SPPL3: variants seen among roughly 807,000 people sequenced by gnomAD.
SPPL3 encodes the protein signal peptide peptidase-like 3.
In SPPL3, 5 loss-of-function variants were observed where a neutral mutation model predicts 42.4. That is an observed-to-expected ratio of 0.12 (90% CI 0.06 to 0.25). SPPL3 has a LOEUF of 0.25. Ranked by LOEUF, SPPL3 falls within the 10% of genes least tolerant of loss-of-function variation. The probability of loss-of-function intolerance (pLI) is 1.00; values close to 1 mark genes in which losing one functional copy is unlikely to be tolerated. For synonymous variants in SPPL3, 195 were observed against 181.8 expected (o/e 1.07, Z -0.58); for missense variants, 235 against 489.0 (o/e 0.48, Z 4.90).
At chr12:120,844,352 A>C (rs1431122283) in intron 1 of SPPL3, among the ~76,000 whole-genome samples, 1 of 152,096 alleles carries the variant, frequency 6.6e-6, no homozygotes, top group Non-Finnish European at 1.5e-5. Context: ...ATAGTCTCCT[A>C]ACTAGTCTTA....
chr12:120,846,788 A>C (rs1455743779), intron 1 of SPPL3, among the ~76,000 whole-genome samples: 1 of 152,244 alleles, frequency 6.6e-6, no homozygotes, highest in Non-Finnish European at 1.5e-5. Flanking sequence ...GCCATTTATA[A>C]AGTTCTAAAC....
intron 1 of SPPL3, among the ~76,000 whole-genome samples, chr12:120,821,618 T>G (rs1871073857): frequency 6.6e-6 from 1 of 152,204 alleles, no homozygotes; most frequent in Non-Finnish European, 1.5e-5. Flanking sequence ...ATAAATCTCC[T>G]TAAAAACTTG....
chr12:120,868,631 G>A (rs1159185877), intron 1 of SPPL3, among the ~76,000 whole-genome samples: 5 of 152,070 alleles, frequency 3.3e-5, no homozygotes, highest in African/African-American at 1.2e-4. Context: ...ACAGGCGCAT[G>A]CCACCATGCC....
In SPPL3 at chr12:120,802,375, ATATGTATATATATACACATATATGTG is replaced by A. The variant is rs1443701579; in HGVS notation, c.101+8408_101+8433del. ...TGTATGTGTGTATATATATACATATATATGTATATATATACACATATATGTGTGTGTGTGTGTGTGTATATATATAT... is the reference window on the plus strand; with the variant it reads ...TGTATGTGTGTATATATATACATATATGTGTGTGTGTGTGTATATATATAT... On this transcript the variant is annotated intron_variant, in intron 2 of 10. Transcript: ENST00000353487. 3.4e-3 allele frequency among the ~76,000 whole-genome samples: 490 copies of A among 144,014 alleles called. 3 individuals are homozygous for A. The highest frequency in any genetic ancestry group is 0.012 in the African/African-American group (445 of 37,612). The allele number at this position is 144,014 out of a possible 152,430, so 94.5% of individuals were successfully genotyped here.
At chr12:120,878,931 T>C (rs1014275620) in intron 1 of SPPL3, among the ~76,000 whole-genome samples, 3 of 151,554 alleles carry the variant, frequency 2.0e-5, no homozygotes, top group African/African-American at 4.8e-5. Flanking sequence ...TCGACCAACA[T>C]GGAGAAACCC....
At chr12:120,817,962 G>C (rs913802376) in intron 1 of SPPL3, among the ~76,000 whole-genome samples, 11 of 152,154 alleles carry the variant, frequency 7.2e-5, no homozygotes, top group African/African-American at 2.7e-4. Context: ...CAATGGAGCA[G>C]ACAGGGAAGA....
chr12:120,857,565 G>A (rs1183134954), intron 1 of SPPL3, among the ~76,000 whole-genome samples: 1 of 152,160 alleles, frequency 6.6e-6, no homozygotes, highest in Non-Finnish European at 1.5e-5. Context: ...CAAAGACATG[G>A]AATCAACCCG....
intron 3 of SPPL3, among the ~76,000 whole-genome samples, chr12:120,785,871 G>T (rs1272909845): frequency 6.7e-6 from 1 of 148,962 alleles, no homozygotes; most frequent in Non-Finnish European, 1.5e-5. Context: ...CAGCTACTTG[G>T]GAGGCTGAAG....
intron 1 of SPPL3, chr12:120,811,581 C>T (rs1870684054): frequency 2.0e-5 from 3 of 152,286 alleles, no homozygotes; most frequent in Admixed American, 1.3e-4. Flanking sequence ...TTCTATGGCT[C>T]GGCTATTGGA....
At chr12:120,859,086 T>C (rs1391680953) in intron 1 of SPPL3, among the ~76,000 whole-genome samples, 1 of 152,196 alleles carries the variant, frequency 6.6e-6, no homozygotes, top group Non-Finnish European at 1.5e-5. Flanking sequence ...CTTTTAATTT[T>C]TTTTCTATAA....
intron 1 of SPPL3, among the ~76,000 whole-genome samples, chr12:120,868,777 G>T (rs1872839577): frequency 6.6e-6 from 1 of 152,128 alleles, no homozygotes; most frequent in African/African-American, 2.4e-5. Context: ...ACCATGCCCG[G>T]CCAATGGTGT....
intron 2 of SPPL3, among the ~76,000 whole-genome samples, chr12:120,792,999 G>C (rs551094753): frequency 2.0e-5 from 3 of 152,282 alleles, no homozygotes; most frequent in African/African-American, 7.2e-5. Context: ...ACAACCCATA[G>C]GATGGGAGAA....
At chr12:120,799,203 G>A (rs1187210929) in intron 2 of SPPL3, among the ~76,000 whole-genome samples, 2 of 152,082 alleles carry the variant, frequency 1.3e-5, no homozygotes, top group African/African-American at 4.8e-5. Flanking sequence ...CCTTAAACGT[G>A]CTCAGAACAC....
intron 1 of SPPL3, among the ~76,000 whole-genome samples, chr12:120,824,437 G>A (rs1392287862): frequency 2.0e-5 from 3 of 152,166 alleles, no homozygotes; most frequent in African/African-American, 7.2e-5. Flanking sequence ...GTGTTCTTCA[G>A]TCGGATATAG....
At chr12:120,821,640 G>A (rs746269207) in intron 1 of SPPL3, among the ~76,000 whole-genome samples, 3 of 152,148 alleles carry the variant, frequency 2.0e-5, no homozygotes, top group Non-Finnish European at 4.4e-5. Context: ...AAAAATCTAT[G>A]TTAACATGCT....
intron 1 of SPPL3, among the ~76,000 whole-genome samples, chr12:120,868,060 T>TA (rs1300092925): frequency 1.3e-5 from 2 of 152,100 alleles, no homozygotes. Context: ...GTATAAAAAT[T>TA]ATAGTTCAGC....
At position 120,879,410 on chromosome 12, in the gene SPPL3, T is replaced by C. The variant is rs552396406; in HGVS notation, c.23+24435A>G. Among the ~76,000 whole-genome samples the C allele has an allele frequency of 5.9e-5, 9 of 152,124 alleles. No individual in the cohort carries two copies. The South Asian group carries it at 6.2e-4, about 10-fold the overall frequency. ...TGTCCTTTGATTTGAAACAAGAAAA[T>C]AGAATGCAACTGTGAGTGGTACTTC... On this transcript the variant is annotated intron_variant, in intron 1 of 10. Coordinates refer to ENST00000353487, the MANE Select transcript of SPPL3 (RefSeq NM_139015.5).
chr12:120,826,518 TAACAGCAAGCCCA>T (rs1241340963), intron 1 of SPPL3, among the ~76,000 whole-genome samples: 2 of 152,016 alleles, frequency 1.3e-5, no homozygotes, highest in East Asian at 3.9e-4. Context: ...AAAGCTTACC[TAACAGCAAGCCCA>T]AACAGCACCA....
chr12:120,894,543 C>G (rs1197372589), intron 1 of SPPL3, among the ~76,000 whole-genome samples: 1 of 152,162 alleles, frequency 6.6e-6, no homozygotes, highest in Non-Finnish European at 1.5e-5. Context: ...ATGAACAAAA[C>G]TTTCTTTGCT....
Sources: allele counts gnomAD v4.1 joint callset (sites outside exome capture counted in the v4.1 genomes callset), GRCh38; gene constraint gnomAD v4.1.1; transcripts MANE v1.5; gene names NCBI Gene and HGNC (gene_info 2026-07-23, HGNC 2026-07-21).